Variants in VPS13D observed in about 807,000 individuals in gnomAD.
VPS13D encodes the protein intermembrane lipid transfer protein VPS13D.
Under a neutral mutation model 461.9 loss-of-function variants are expected in VPS13D, and 187 were observed. That is an observed-to-expected ratio of 0.40 (90% CI 0.36 to 0.46). VPS13D has a LOEUF of 0.46. Ranked by LOEUF, VPS13D falls within the 20% of genes least tolerant of loss-of-function variation. VPS13D has a pLI of 0.60. For missense variants in VPS13D, 4,711 were observed against 5,364.9 expected, an observed-to-expected ratio of 0.88 and a Z score of 3.81; for synonymous variants, 1,951 against 1,986.3, an observed-to-expected ratio of 0.98 and a Z score of 0.47.
intron 68 of VPS13D, chr1:12,500,376 A>G (rs541754373): frequency 8.7e-5 from 27 of 311,956 alleles, no homozygotes; most frequent in Non-Finnish European, 1.2e-4. Flanking sequence ...AATTTGTCCT[A>G]TATGGTGAAA....
At chr1:12,325,248 C>G (rs551256075) in intron 35 of VPS13D, among the ~76,000 whole-genome samples, 8 of 151,984 alleles carry the variant, frequency 5.3e-5, no homozygotes, top group African/African-American at 1.9e-4. Context: ...TGCACTTTCT[C>G]TCTTTCTACT....
At chr1:12,500,113 G>A (rs966792729) in intron 68 of VPS13D, 6 of 985,190 alleles carry the variant, frequency 6.1e-6, no homozygotes, top group Non-Finnish European at 7.2e-6. Context: ...AAAACCCCAC[G>A]AAGTCCCCAG....
chr1:12,498,631 G>T (rs1298300349), intron 68 of VPS13D, among the ~76,000 whole-genome samples: 2 of 152,112 alleles, frequency 1.3e-5, no homozygotes, highest in African/African-American at 4.8e-5. Context: ...GTCTACTTGG[G>T]TTGCCATTAT....
intron 44 of VPS13D, 47 bp downstream of exon 44, chr1:12,346,699 C>A: frequency 6.5e-7 from 1 of 1,531,646 alleles, no homozygotes; most frequent in Non-Finnish European, 9.0e-7. Flanking sequence ...CGTATATACA[C>A]TGCACCTGAA....
Position 12,341,787 on chromosome 1 carries a change from G to A in VPS13D, c.8634G>A (p.Val2878=), listed in dbSNP as rs769642412. 6.2e-7 allele frequency: 1 copy of A among 1,613,886 alleles called. No homozygotes were observed. The highest frequency in any genetic ancestry group is 8.5e-7 in the Non-Finnish European group (1 of 1,179,924). ...TTCTTCTGTTTGTCGTAGCAGAGGT[G>A]AAAACCCCCAAGCGCCGGCAGCCAT... ...LEHQIYARAE[V]KTPKRRQPFV... is the part of the protein sequence containing the mutation. The change falls in exon 41 of 70, where the codon GTG becomes GTA. Residue 2878 remains valine (V), a synonymous_variant. Transcript: ENST00000620676.
At chr1:12,273,791 C>G (rs911519199) in intron 18 of VPS13D, among the ~76,000 whole-genome samples, 24 of 151,866 alleles carry the variant, frequency 1.6e-4, no homozygotes, top group African/African-American at 5.3e-4. Context: ...TTTGTTTATC[C>G]TTTCATTTGT....
At chr1:12,403,771 G>A (rs1644611586) in intron 62 of VPS13D, 54 bp from the exon 63 acceptor site, 3 of 1,495,746 alleles carry the variant, frequency 2.0e-6, no homozygotes, top group Non-Finnish European at 2.7e-6. Flanking sequence ...GGATTCTGTG[G>A]ATCATGAGAC....
chr1:12,307,586 C>T (rs942047129), intron 26 of VPS13D, among the ~76,000 whole-genome samples: 5 of 152,064 alleles, frequency 3.3e-5, no homozygotes, highest in Admixed American at 6.6e-5. Context: ...CTCTGCCTCC[C>T]GAGTTCAAGC....
chr1:12,335,929 C>A, intron 39 of VPS13D, 102 bp downstream of exon 39: 2 of 1,541,642 alleles, frequency 1.3e-6, no homozygotes, highest in Non-Finnish European at 1.8e-6. Context: ...CGTGGAAAAA[C>A]CTACAGGAAA....
At position 12,334,209 on chromosome 1, in the gene VPS13D, C is replaced by T. The variant is rs544750707; in HGVS notation, c.8428+843C>T. Among the ~76,000 whole-genome samples, 4 of 152,268 alleles carry T rather than the reference C, an allele frequency of 2.6e-5. No individual in the cohort carries two copies. In the South Asian group the frequency reaches 8.3e-4, roughly 32 times the overall value. On this transcript the variant is annotated intron_variant, in intron 38 of 69. Coordinates refer to ENST00000620676, the MANE Select transcript of VPS13D (RefSeq NM_015378.4). ...GTTTGTTGACCCCCCAAATTTAAAA[C>T]CACTGTTTATATGATCAGATTTCAT...
chr1:12,321,770 C>T, intron 32 of VPS13D, 39 bp from the exon 33 acceptor site: 1 of 1,572,584 alleles, frequency 6.4e-7, no homozygotes, highest in Non-Finnish European at 8.6e-7. Context: ...CTTCCTAAAT[C>T]AGACATTAAT....
rs1411338223 is a variant in VPS13D, at chr1:12,261,102, G to T, written c.1367G>T (p.Gly456Val). 1 of 1,614,072 alleles carries T rather than the reference G, an allele frequency of 6.2e-7. No homozygotes were observed. The highest frequency in any genetic ancestry group is 8.5e-7 in the Non-Finnish European group (1 of 1,180,050). ...QQTPEGNVVEGLSAEQQEQWI... is the reference protein window; with the variant it reads ...QQTPEGNVVEVLSAEQQEQWI... ...ACCCCAGAAGGGAATGTGGTTGAGGGACTGTCAGCAGAGCAACAGGAGCAG... is the reference window on the plus strand; with the variant it reads ...ACCCCAGAAGGGAATGTGGTTGAGGTACTGTCAGCAGAGCAACAGGAGCAG... Residue 456 changes from glycine to valine, a missense_variant, in exon 12 of 70, where the codon GGA (glycine) becomes GTA (valine). This residue lies in a region of VPS13D where 4,411 missense variants were observed against 4,937.8 expected (regional missense o/e 0.89). Coordinates refer to ENST00000620676, the MANE Select transcript of VPS13D (RefSeq NM_015378.4).
At chr1:12,268,127 T>C (rs997225661) in intron 15 of VPS13D, among the ~76,000 whole-genome samples, 4 of 151,850 alleles carry the variant, frequency 2.6e-5, no homozygotes, top group Non-Finnish European at 5.9e-5. Flanking sequence ...TTTTAGTATA[T>C]TTAGTAGAGA....
chr1:12,367,951 A>C (rs542728360), intron 52 of VPS13D, among the ~76,000 whole-genome samples: 219 of 152,226 alleles, frequency 1.4e-3, no homozygotes, highest in Non-Finnish European at 2.5e-3. Context: ...TTTTATTTTT[A>C]ATTGAGATGA....
chr1:12,449,869 A>G (rs1645239413), intron 65 of VPS13D, among the ~76,000 whole-genome samples: 1 of 152,252 alleles, frequency 6.6e-6, no homozygotes, highest in African/African-American at 2.4e-5. Flanking sequence ...TTATGCCTGT[A>G]ATCCTAGCAC....
intron 65 of VPS13D, among the ~76,000 whole-genome samples, chr1:12,452,144 C>T (rs1405527742): frequency 2.0e-5 from 3 of 152,226 alleles, no homozygotes; most frequent in African/African-American, 4.8e-5. Flanking sequence ...GATTCTCTGT[C>T]TCTAGCCTGC....
intron 50 of VPS13D, among the ~76,000 whole-genome samples, chr1:12,361,782 C>T (rs1643954587): frequency 6.6e-6 from 1 of 152,090 alleles, no homozygotes; most frequent in South Asian, 2.1e-4. Flanking sequence ...CTTGAGATTT[C>T]CTTTGGACTG....
intron 30 of VPS13D, among the ~76,000 whole-genome samples, chr1:12,315,725 A>G (rs11121901): frequency 0.098 from 14,978 of 152,236 alleles, 1,289 homozygotes; most frequent in African/African-American, 0.22. Context: ...GATTGCAGTC[A>G]TGTGATAAGA....
intron 67 of VPS13D, among the ~76,000 whole-genome samples, chr1:12,487,805 C>T (rs1222260232): frequency 2.0e-5 from 3 of 152,118 alleles, no homozygotes; most frequent in Non-Finnish European, 1.5e-5. Flanking sequence ...AGCGGTTGTA[C>T]GTACTAAGAT....
Sources: gnomAD v4.1 joint callset for allele counts (sites outside exome capture counted in the v4.1 genomes callset) on GRCh38, gnomAD v4.1.1 for gene constraint, gnomAD v4.1.1 regional missense constraint, MANE v1.5 for transcripts, NCBI Gene and HGNC (gene_info 2026-07-23, HGNC 2026-07-21) for gene names.